Variants in TUBG1 observed in about 807,000 individuals in gnomAD.
The protein encoded by TUBG1 is tubulin gamma 1.
Under a neutral mutation model 53.3 loss-of-function variants are expected in TUBG1, and 22 were observed. That is an observed-to-expected ratio of 0.41 (90% CI 0.29 to 0.59). The LOEUF is 0.59. TUBG1 is among the 20% of genes least tolerant of loss of function. TUBG1 has a pLI of 0.26. For missense variants in TUBG1, 217 were observed against 598.9 expected (o/e 0.36, Z 6.66); for synonymous variants, 198 against 236.7 (o/e 0.84, Z 1.50).
In TUBG1 at chr17:42,614,065, T is replaced by C; in HGVS notation, c.843+67T>C. On this transcript the variant is annotated intron_variant, in intron 8 of 10. Coordinates refer to ENST00000251413, the MANE Select transcript of TUBG1 (RefSeq NM_001070.5). This position sits in a 1 kb window ranked among gnomAD's most constrained non-coding sequence, Gnocchi z 5.1. ...GCCCAACAGGCCCTGTCCTAGCCTTTCTCTCTTCCCCACTGCCCCAGGAGC... is the reference window on the plus strand; with the variant it reads ...GCCCAACAGGCCCTGTCCTAGCCTTCCTCTCTTCCCCACTGCCCCAGGAGC... 1.9e-6 allele frequency: 3 copies of C among 1,608,574 alleles called. No individual in the cohort carries two copies. Among genetic ancestry groups the C allele is most frequent in the Non-Finnish European group, 2.5e-6 (3 of 1,176,866 alleles).
At position 42,610,413 on chromosome 17, in the gene TUBG1, C is replaced by A; in HGVS notation, c.163-10C>A. On this transcript the variant is annotated splice_polypyrimidine_tract_variant and intron_variant, in intron 2 of 10. Transcript: ENST00000251413. ...GCTGATTGGGCCCCCTCCTGGACTC[C>A]CCTTGACAGGCAGACGATGAGCACT... 1 of 1,585,266 alleles carries A rather than the reference C, an allele frequency of 6.3e-7. No individual in the cohort carries two copies. Among genetic ancestry groups the A allele is most frequent in the Non-Finnish European group, 8.6e-7 (1 of 1,161,430 alleles).
rs2052058932 is a variant in TUBG1 at position 42,614,236 on chromosome 17, G to A, written c.844-24G>A. The A allele has an allele frequency of 6.2e-7, 1 of 1,613,866 alleles. No homozygotes were observed. The highest frequency in any genetic ancestry group is 8.5e-7 in the Non-Finnish European group (1 of 1,179,832). The stretch of plus-strand genomic sequence containing the variant: ...GGACTGTGCCCTGAGCGCTGGCCGG[G>A]TCCCTGTCTCACTGTCCTATCAGGT... On this transcript the variant is annotated intron_variant, in intron 8 of 10. Coordinates refer to ENST00000251413, the MANE Select transcript of TUBG1 (RefSeq NM_001070.5). The surrounding 1 kb of genome is among the most constrained non-coding windows in gnomAD (Gnocchi z 5.1).
chr17:42,614,833 C>T lies in TUBG1; in HGVS notation c.1159-11C>T. The T allele has an allele frequency of 1.2e-6, 2 of 1,614,126 alleles. No individual in the cohort carries two copies. The highest frequency in any genetic ancestry group is 8.5e-7 in the Non-Finnish European group (1 of 1,179,990). On this transcript the variant is annotated splice_polypyrimidine_tract_variant and intron_variant, in intron 10 of 10. Coordinates refer to ENST00000251413, the MANE Select transcript of TUBG1 (RefSeq NM_001070.5). The surrounding 1 kb of genome is among the most constrained non-coding windows in gnomAD (Gnocchi z 5.1). ...AGTTCTTTGTAACCCCTGTTTTCTG[C>T]ACACCCCAAGCTCTTCGAGAGAACC...
chr17:42,610,075 C>T, intron 1 of TUBG1, 33 bp from the exon 2 acceptor site: 1 of 1,613,134 alleles, frequency 6.2e-7, no homozygotes, highest in South Asian at 1.1e-5. Flanking sequence ...ACCTAGATAT[C>T]TTCTTTCTCC....
rs200565766 is a variant in TUBG1 at position 42,613,640 on chromosome 17, C to T, written c.607-7C>T. ...CATTGATCTGTGATCCTCTTCTGTC[C>T]CCCCAGGTGGTGCTGGACAACACAG... On this transcript the variant is annotated splice_region_variant and splice_polypyrimidine_tract_variant and intron_variant, in intron 6 of 10. Coordinates refer to ENST00000251413, the MANE Select transcript of TUBG1 (RefSeq NM_001070.5). 22 of 1,614,030 alleles carry T rather than the reference C, an allele frequency of 1.4e-5. No individual in the cohort carries two copies. In the Middle Eastern group the frequency reaches 5.0e-4, roughly 36 times the overall value.
At chr17:42,613,126 G>T (rs1302213238) in intron 6 of TUBG1, 53 bp downstream of exon 6, 1 of 1,587,590 alleles carries the variant, frequency 6.3e-7, no homozygotes, top group African/African-American at 1.4e-5. Flanking sequence ...ACCCACTCGA[G>T]TCTATTAAAT....
chr17:42,614,445 C>T lies in TUBG1; in HGVS notation c.996+33C>T. ...AGGCCCCTTCATCCCACACCCTGGACCTGCAGGGGTAGAGGAGAGGCCACC... is the reference window on the plus strand; with the variant it reads ...AGGCCCCTTCATCCCACACCCTGGATCTGCAGGGGTAGAGGAGAGGCCACC... On this transcript the variant is annotated intron_variant, in intron 9 of 10. Transcript: ENST00000251413. This position sits in a 1 kb window ranked among gnomAD's most constrained non-coding sequence, Gnocchi z 5.1. The T allele has an allele frequency of 6.2e-7, 1 of 1,614,164 alleles. No individual in the cohort carries two copies. The highest frequency in any genetic ancestry group is 8.5e-7 in the Non-Finnish European group (1 of 1,179,998).
intron 7 of TUBG1, 25 bp downstream of exon 7, chr17:42,613,758 T>C (rs1484224977): frequency 1.2e-6 from 2 of 1,614,130 alleles, no homozygotes; most frequent in Admixed American, 3.3e-5. Flanking sequence ...CTGGACTCCT[T>C]TGGACTTGAA....
chr17:42,612,529 G>C, intron 5 of TUBG1, 23 bp downstream of exon 5: 1 of 1,612,734 alleles, frequency 6.2e-7, no homozygotes, highest in Non-Finnish European at 8.5e-7. Flanking sequence ...TTGGGGATTA[G>C]GAAAGGTCTC....
At position 42,613,988 on chromosome 17, in the gene TUBG1, C is replaced by T. The variant is rs2052056531; in HGVS notation, c.833C>T (p.Thr278Met). ...ATGACCGGCTACACCCCTCTCACTA[C>T]GGACCAGTCAGTAAGAGCAGCCTTC... ...FLMTGYTPLTTDQSVASVRKT... is the reference protein window; with the variant it reads ...FLMTGYTPLTMDQSVASVRKT... Residue 278 changes from threonine to methionine, a missense_variant, in exon 8 of 11, where the codon ACG becomes ATG. Physicochemically the swap from Thr to Met is moderately conservative, Grantham distance 81 (BLOSUM62 -1). This residue lies in a region of TUBG1 where 135 missense variants were observed against 371.2 expected (regional missense o/e 0.36). Coordinates refer to ENST00000251413, the MANE Select transcript of TUBG1 (RefSeq NM_001070.5). The T allele has an allele frequency of 8.7e-6, 14 of 1,614,204 alleles. No individual in the cohort carries two copies. The highest frequency in any genetic ancestry group is 1.1e-5 in the South Asian group (1 of 91,088).
intron 3 of TUBG1, 173 bp downstream of exon 3, chr17:42,610,763 G>A: frequency 1.1e-6 from 1 of 898,294 alleles, no homozygotes; most frequent in Non-Finnish European, 1.7e-6. Context: ...CTAATGCAGT[G>A]TGCCAGGTCA....
chr17:42,614,985 G>T lies in TUBG1; in HGVS notation c.1300G>T (p.Glu434Ter), dbSNP rs1425326501. Residue 434 changes from glutamate to a stop codon, truncating the protein, a stop_gained, in exon 11 of 11, where the codon GAG becomes TAG. Coordinates refer to ENST00000251413, the MANE Select transcript of TUBG1 (RefSeq NM_001070.5). LOFTEE classifies it high-confidence loss of function. The surrounding 1 kb of genome is among the most constrained non-coding windows in gnomAD (Gnocchi z 5.1). ...GGAGATTGTGCAGCAGCTCATCGAT[G>T]AGTACCATGCGGCCACACGGCCAGA... ...SREIVQQLIDEYHAATRPDYI... is the reference protein window; with the variant it reads ...SREIVQQLID 8 of 1,614,074 alleles carry T rather than the reference G, an allele frequency of 5.0e-6. No homozygotes were observed. The highest frequency in any genetic ancestry group is 1.1e-5 in the South Asian group (1 of 91,088).
At chr17:42,611,804 C>A (rs912926289) in intron 3 of TUBG1, among the ~76,000 whole-genome samples, 1 of 151,816 alleles carries the variant, frequency 6.6e-6, no homozygotes, top group Non-Finnish European at 1.5e-5. Context: ...TGCCATGAGC[C>A]AAGATCGCGC....
At chr17:42,609,855 T>C (rs1384629540) in intron 1 of TUBG1, 69 bp downstream of exon 1, 2 of 1,510,090 alleles carry the variant, frequency 1.3e-6, no homozygotes, top group Non-Finnish European at 1.8e-6. Flanking sequence ...TGTGGGATCC[T>C]GGACTCCATC....
chr17:42,610,911 T>G, intron 3 of TUBG1: 1 of 277,650 alleles, frequency 3.6e-6, no homozygotes. Context: ...ATAACTAGTT[T>G]ATCAGCAAAA....
Position 42,612,565 on chromosome 17 carries a change from G to A in TUBG1, c.479+59G>A, listed in dbSNP as rs1185233499. On this transcript the variant is annotated intron_variant, in intron 5 of 10. Transcript: ENST00000251413. ...CAACTTGGCTTCCTAAATGACTAGG[G>A]GACCCAGCAGATATAACTCCATATT... is the stretch of plus-strand genomic sequence containing the variant. 2.0e-6 allele frequency: 3 copies of A among 1,481,876 alleles called. No individual in the cohort carries two copies. In the South Asian group the frequency reaches 3.4e-5, roughly 17 times the overall value. 91.8% of individuals were successfully genotyped at this position (1,481,876 alleles called of 1,614,324 possible). A position where few individuals can be genotyped will look rare whatever the true frequency, so the allele number is the denominator to read the frequency against.
At position 42,613,064 on chromosome 17, in the gene TUBG1, A is replaced by G; in HGVS notation, c.597A>G (p.Ala199=). ...LLTLKRLTQN[A]DCVVVLDNTA... is the part of the protein sequence containing the mutation. Reference sequence around the variant, plus strand: ...CACTCAAGAGGCTGACGCAGAATGCAGACTGTGTGGTGAGTCCTGGATTCT... The same window carrying G: ...CACTCAAGAGGCTGACGCAGAATGCGGACTGTGTGGTGAGTCCTGGATTCT... Residue 199 remains alanine, a synonymous_variant, in exon 6 of 11, where the codon GCA becomes GCG. Transcript: ENST00000251413. The G allele has an allele frequency of 6.2e-7, 1 of 1,614,100 alleles. No individual in the cohort carries two copies. The highest frequency in any genetic ancestry group is 1.1e-5 in the South Asian group (1 of 91,084).
At chr17:42,613,190 CTG>C (rs2052049866) in intron 6 of TUBG1, 117 bp downstream of exon 6, 1 of 1,451,674 alleles carries the variant, frequency 6.9e-7, no homozygotes, top group Non-Finnish European at 9.2e-7. Flanking sequence ...TGGCTCATGA[CTG>C]TAATCCCATC....
In TUBG1 at chr17:42,614,980, T is replaced by C. The variant is rs1319675622; in HGVS notation, c.1295T>C (p.Ile432Thr). 1 of 1,614,134 alleles carries C rather than the reference T, an allele frequency of 6.2e-7. No homozygotes were observed. Among genetic ancestry groups the C allele is most frequent in the South Asian group, 1.1e-5 (1 of 91,082 alleles). ...TCCAGGGAGATTGTGCAGCAGCTCA[T>C]CGATGAGTACCATGCGGCCACACGG... ...DTSREIVQQL[I>T]DEYHAATRPD... The change falls in exon 11 of 11, where the codon ATC (isoleucine) becomes ACC (threonine). Residue 432 changes from isoleucine (I) to threonine (T), a missense_variant. By Grantham distance (89) the Ile-to-Thr change is moderately conservative (BLOSUM62 -1). Transcript: ENST00000251413. This position sits in a 1 kb window ranked among gnomAD's most constrained non-coding sequence, Gnocchi z 5.1.
Sources: gnomAD v4.1 joint callset for allele counts (sites outside exome capture counted in the v4.1 genomes callset) on GRCh38, gnomAD v4.1.1 for gene constraint, gnomAD v4.1.1 regional missense constraint, Gnocchi (gnomAD v3.1) non-coding constraint, MANE v1.5 for transcripts, NCBI Gene and HGNC (gene_info 2026-07-23, HGNC 2026-07-21) for gene names.